The following ZHX2 variants were observed in gnomAD, a reference collection of about 807,000 sequenced individuals.
ZHX2 encodes zinc fingers and homeoboxes 2, also known as zinc fingers and homeoboxes protein 2.
A neutral mutation model predicts 21.9 loss-of-function variants in ZHX2; 6 were observed. The ratio of observed to expected loss-of-function variants is 0.27; its 90% confidence interval spans 0.15 to 0.54. ZHX2 has a LOEUF of 0.54. Ranked by LOEUF, ZHX2 falls within the 20% of genes least tolerant of loss-of-function variation. The probability of loss-of-function intolerance (pLI) is 0.95; values close to 1 mark genes in which losing one functional copy is unlikely to be tolerated. For missense variants in ZHX2, 908 were observed against 1,090.7 expected (o/e 0.83, Z 2.36); for synonymous variants, 434 against 437.1 (o/e 0.99, Z 0.09).
At chr8:122,868,224 T>C (rs73711224) in intron 2 of ZHX2, among the ~76,000 whole-genome samples, 4,746 of 151,406 alleles carry the variant, frequency 0.031, 259 homozygotes, top group African/African-American at 0.11. Flanking sequence ...AATGCCAAAC[T>C]GACACCAACC....
rs1254952103 is a variant in ZHX2 at position 122,782,166 on chromosome 8, T to A, written c.-283+220T>A. 6.6e-6 allele frequency among the ~76,000 whole-genome samples: 1 copy of A among 151,050 alleles called. No homozygotes were observed. The highest frequency in any genetic ancestry group is 1.5e-5 in the Non-Finnish European group (1 of 67,740). ...GGCTCTTTTTGCGGGTGGGAGGAAA[T>A]GAGCGGATACAGAGAGGGAAGAAGA... On this transcript the variant is annotated intron_variant, in intron 1 of 3. Transcript: ENST00000314393. The surrounding 1 kb of genome is among the most constrained non-coding windows in gnomAD (Gnocchi z 5.3).
In ZHX2 at chr8:122,928,097, A is replaced by C. The variant is rs907912250; in HGVS notation, c.-219-23195A>C. Among the ~76,000 whole-genome samples, 11 of 152,142 alleles carry C rather than the reference A, an allele frequency of 7.2e-5. 1 individual carries two copies. In the South Asian group the frequency reaches 1.5e-3, roughly 20 times the overall value. On this transcript the variant is annotated intron_variant, in intron 2 of 3. Transcript: ENST00000314393. ...CAGTACTTCTGTTTTCTTTTTCTCC[A>C]CTAGACTTAAGCTCCAAGAGGACAG...
At position 122,937,073 on chromosome 8, in the gene ZHX2, G is replaced by A. The variant is rs1812716922; in HGVS notation, c.-219-14219G>A. Reference sequence around the variant, plus strand: ...TCTCTAGAAAAACTGGATGGCCATTGCCAGAAGAGGAGGAAAAGGGCACTA... The same window carrying A: ...TCTCTAGAAAAACTGGATGGCCATTACCAGAAGAGGAGGAAAAGGGCACTA... On this transcript the variant is annotated intron_variant, in intron 2 of 3. Transcript: ENST00000314393. Among the ~76,000 whole-genome samples the A allele has an allele frequency of 2.0e-5, 3 of 152,238 alleles. 1 individual carries two copies. The highest frequency in any genetic ancestry group is 4.1e-4 in the South Asian group (2 of 4,834).
At chr8:122,942,852 AG>A (rs2130221377) in intron 2 of ZHX2, among the ~76,000 whole-genome samples, 1 of 152,312 alleles carries the variant, frequency 6.6e-6, no homozygotes, top group South Asian at 2.1e-4. Flanking sequence ...GACGGTGGTA[AG>A]GAAAAAGAAC....
intron 1 of ZHX2, among the ~76,000 whole-genome samples, chr8:122,840,137 G>A (rs577911147): frequency 5.3e-5 from 8 of 152,312 alleles, no homozygotes; most frequent in East Asian, 3.9e-4. Flanking sequence ...TTCCTGAGAC[G>A]TGCTTCCTGC....
At chr8:122,913,597 C>T (rs1284057989) in intron 2 of ZHX2, among the ~76,000 whole-genome samples, 2 of 152,204 alleles carry the variant, frequency 1.3e-5, no homozygotes. Context: ...AGTTCTCCAG[C>T]ATTTGTGTTG....
At chr8:122,904,641 C>G (rs1163776746) in intron 2 of ZHX2, among the ~76,000 whole-genome samples, 1 of 152,100 alleles carries the variant, frequency 6.6e-6, no homozygotes, top group East Asian at 1.9e-4. Flanking sequence ...GAACCTGGAC[C>G]CCTACTTAGT....
chr8:122,951,495 C>T lies in ZHX2; in HGVS notation c.-16C>T, dbSNP rs1813108638. Reference sequence around the variant, plus strand: ...ATCCCCCTCCAAAAATAAGCCATTGCACACAGACAGGCAGCATGGCTAGCA... The same window carrying T: ...ATCCCCCTCCAAAAATAAGCCATTGTACACAGACAGGCAGCATGGCTAGCA... On this transcript the variant is annotated 5_prime_UTR_variant, in exon 3 of 4. Transcript: ENST00000314393. 5 of 1,601,084 alleles carry T rather than the reference C, an allele frequency of 3.1e-6. No individual in the cohort carries two copies. Among genetic ancestry groups the T allele is most frequent in the Non-Finnish European group, 4.3e-6 (5 of 1,171,654 alleles).
At chr8:122,921,098 A>G (rs892116779) in intron 2 of ZHX2, among the ~76,000 whole-genome samples, 5 of 151,472 alleles carry the variant, frequency 3.3e-5, no homozygotes, top group African/African-American at 1.2e-4. Context: ...TTTTTTTGAG[A>G]TGGAGGAGTC....
chr8:122,906,666 CTTTT>C lies in ZHX2; in HGVS notation c.-220+43146_-220+43149del, dbSNP rs771349214. On this transcript the variant is annotated intron_variant, in intron 2 of 3. Coordinates refer to ENST00000314393, the MANE Select transcript of ZHX2 (RefSeq NM_014943.5). ...AAACACTTCTGTATCACATAATTTC[CTTTT>C]TTTTTTTTTTTTTTTTTTGAGACAG... Among the ~76,000 whole-genome samples, 841 of 123,366 alleles carry C rather than the reference CTTTT, an allele frequency of 6.8e-3. 1 individual carries two copies. The highest frequency in any genetic ancestry group is 0.041 in the Middle Eastern group (8 of 194). The allele number at this position is 123,366 out of a possible 152,430, so 80.9% of individuals were successfully genotyped here. A position where few individuals can be genotyped will look rare whatever the true frequency, so the allele number is the denominator to read the frequency against.
At chr8:122,884,719 A>C (rs1286418123) in intron 2 of ZHX2, among the ~76,000 whole-genome samples, 1 of 152,234 alleles carries the variant, frequency 6.6e-6, no homozygotes, top group East Asian at 1.9e-4. Flanking sequence ...TGTGGTGGAA[A>C]TGCAGGGTGC....
chr8:122,845,524 T>C (rs1033422908), intron 1 of ZHX2, among the ~76,000 whole-genome samples: 21 of 152,226 alleles, frequency 1.4e-4, no homozygotes, highest in African/African-American at 5.1e-4. Flanking sequence ...TCTCCAATAA[T>C]ACCTTGTGTA....
intron 1 of ZHX2, among the ~76,000 whole-genome samples, chr8:122,836,897 G>A (rs911863888): frequency 6.6e-6 from 1 of 152,150 alleles, no homozygotes; most frequent in African/African-American, 2.4e-5. Flanking sequence ...GACAATTAGG[G>A]CATTCTAAGG....
intron 1 of ZHX2, among the ~76,000 whole-genome samples, chr8:122,849,146 C>G (rs1300201788): frequency 6.6e-6 from 1 of 152,156 alleles, no homozygotes; most frequent in Non-Finnish European, 1.5e-5. Flanking sequence ...TGGGGTGGGC[C>G]TCTGGCCTCC....
At chr8:122,882,360 C>T (rs1819734180) in intron 2 of ZHX2, among the ~76,000 whole-genome samples, 1 of 151,732 alleles carries the variant, frequency 6.6e-6, no homozygotes, top group Non-Finnish European at 1.5e-5. Flanking sequence ...ATTTCCCAAG[C>T]CAGTAGATAA....
intron 3 of ZHX2, among the ~76,000 whole-genome samples, chr8:122,961,134 C>T (rs371384893): frequency 1.6e-4 from 24 of 152,230 alleles, no homozygotes; most frequent in African/African-American, 5.8e-4. Flanking sequence ...TGTTCAAGCT[C>T]AGGACACCAG....
At chr8:122,816,107 G>A (rs1818029487) in intron 1 of ZHX2, among the ~76,000 whole-genome samples, 2 of 147,894 alleles carry the variant, frequency 1.4e-5, no homozygotes, top group African/African-American at 5.0e-5. Context: ...AAGGGAGATT[G>A]CCATAGCCAC....
intron 2 of ZHX2, among the ~76,000 whole-genome samples, chr8:122,920,662 A>G (rs556139229): frequency 4.3e-4 from 66 of 152,302 alleles, no homozygotes; most frequent in Middle Eastern, 3.4e-3. Context: ...ATGAGGTTAT[A>G]TACTCTTCAG....
At chr8:122,850,359 C>T (rs184522248) in intron 1 of ZHX2, among the ~76,000 whole-genome samples, 11 of 152,222 alleles carry the variant, frequency 7.2e-5, no homozygotes, top group South Asian at 6.2e-4. Context: ...CACTACCGGC[C>T]GGGCGCAGTG....
Sources: gnomAD v4.1 joint callset for allele counts (sites outside exome capture counted in the v4.1 genomes callset) on GRCh38, gnomAD v4.1.1 for gene constraint, Gnocchi (gnomAD v3.1) non-coding constraint, MANE v1.5 for transcripts, NCBI Gene and HGNC (gene_info 2026-07-23, HGNC 2026-07-21) for gene names.